Variants in PDE1C observed in about 807,000 individuals in gnomAD.
PDE1C encodes phosphodiesterase 1C.
A neutral mutation model predicts 93.1 loss-of-function variants in PDE1C; 62 were observed. The ratio of observed to expected loss-of-function variants is 0.67; its 90% CI spans 0.54 to 0.82. PDE1C has a LOEUF of 0.82. PDE1C is among the 40% of genes least tolerant of loss of function. PDE1C has a pLI of 0.00. For missense variants in PDE1C, 742 were observed against 884.6 expected, an observed-to-expected ratio of 0.84 and a Z score of 2.04; for synonymous variants, 325 against 310.1, an observed-to-expected ratio of 1.05 and a Z score of -0.50.
chr7:31,932,226 TTAAAC>T (rs1215776036), intron 2 of PDE1C, among the ~76,000 whole-genome samples: 1 of 152,154 alleles, frequency 6.6e-6, no homozygotes, highest in Non-Finnish European at 1.5e-5. Flanking sequence ...TAGGATCTAA[TTAAAC>T]TAAAGAGCTT....
chr7:32,355,806 G>A (rs561856525), intron 1 of PDE1C, among the ~76,000 whole-genome samples: 26 of 152,314 alleles, frequency 1.7e-4, no homozygotes, highest in African/African-American at 5.8e-4. Context: ...AATGGCGACT[G>A]AATGAAAAAT....
intron 2 of PDE1C, among the ~76,000 whole-genome samples, chr7:32,182,944 C>T (rs941839480): frequency 2.0e-5 from 3 of 152,220 alleles, no homozygotes; most frequent in African/African-American, 7.2e-5. Flanking sequence ...TAGGCAACTT[C>T]AGCCAAGTAT....
chr7:31,743,509 T>C, the PDE1C span, among the ~76,000 whole-genome samples: 1 of 151,992 alleles, frequency 6.6e-6, no homozygotes, highest in East Asian at 1.9e-4. Flanking sequence ...TGTCAATGAC[T>C]GAAGTCATAA....
the PDE1C span, among the ~76,000 whole-genome samples, chr7:31,619,448 T>A: frequency 1.3e-5 from 2 of 152,336 alleles, no homozygotes; most frequent in Admixed American, 1.3e-4. Flanking sequence ...TTGTTTCAAC[T>A]GTATGTGTAG....
chr7:32,364,511 A>G (rs1225295652), intron 1 of PDE1C, among the ~76,000 whole-genome samples: 1 of 152,186 alleles, frequency 6.6e-6, no homozygotes, highest in African/African-American at 2.4e-5. Flanking sequence ...AAAGGTAAGC[A>G]GAAGATCCCC....
chr7:32,427,663 TC>T (rs1785561864), intron 1 of PDE1C, among the ~76,000 whole-genome samples: 1 of 152,162 alleles, frequency 6.6e-6, no homozygotes, highest in Non-Finnish European at 1.5e-5. Context: ...TGAAATAGCC[TC>T]CTATTCAACC....
intron 16 of PDE1C, chr7:31,808,228 G>A: frequency 2.1e-6 from 1 of 482,510 alleles, no homozygotes; most frequent in Non-Finnish European, 4.1e-6. Flanking sequence ...CAAATATGAT[G>A]TCTCCAGGGA....
intron 2 of PDE1C, among the ~76,000 whole-genome samples, chr7:31,904,421 T>G (rs1014313624): frequency 1.3e-5 from 2 of 152,060 alleles, no homozygotes; most frequent in African/African-American, 4.8e-5. Flanking sequence ...CTAAAACAAT[T>G]GTTAATTTTG....
intron 2 of PDE1C, among the ~76,000 whole-genome samples, chr7:31,903,608 C>T (rs890720891): frequency 2.0e-5 from 3 of 152,048 alleles, no homozygotes; most frequent in African/African-American, 4.8e-5. Context: ...GTACTATATA[C>T]TCTAGTCAGC....
intron 3 of PDE1C, among the ~76,000 whole-genome samples, chr7:32,098,757 G>T (rs1272802973): frequency 1.3e-5 from 2 of 152,216 alleles, no homozygotes; most frequent in Non-Finnish European, 2.9e-5. Context: ...AGGCCTTCAA[G>T]TAATTTCCTC....
intron 2 of PDE1C, among the ~76,000 whole-genome samples, chr7:31,922,045 G>A (rs1293167985): frequency 2.6e-5 from 4 of 152,094 alleles, no homozygotes; most frequent in African/African-American, 7.2e-5. Flanking sequence ...GATAAAATCC[G>A]AAACCTGTCA....
the PDE1C span, chr7:31,652,993 T>C: frequency 1.4e-6 from 2 of 1,433,082 alleles, no homozygotes; most frequent in African/African-American, 2.9e-5. Flanking sequence ...TAGAATACTC[T>C]AATACTCATT....
chr7:32,376,718 C>T (rs1204902057), intron 1 of PDE1C, among the ~76,000 whole-genome samples: 1 of 152,118 alleles, frequency 6.6e-6, no homozygotes, highest in Non-Finnish European at 1.5e-5. Flanking sequence ...GACCAAGTCT[C>T]ACTCTGTCGT....
At chr7:31,692,547 T>A in the PDE1C span, 4 of 1,565,508 alleles carry the variant, frequency 2.6e-6, no homozygotes, top group South Asian at 1.1e-5. Context: ...CGATTGTGAA[T>A]GTCAGTGGTG....
chr7:31,961,473 G>A (rs1360585840), intron 2 of PDE1C, among the ~76,000 whole-genome samples: 1 of 152,100 alleles, frequency 6.6e-6, no homozygotes, highest in Non-Finnish European at 1.5e-5. Flanking sequence ...TAGTATCAGA[G>A]TGTGTGAGAT....
intron 2 of PDE1C, among the ~76,000 whole-genome samples, chr7:32,018,161 C>G (rs1788161266): frequency 6.6e-6 from 1 of 151,336 alleles, no homozygotes; most frequent in South Asian, 2.1e-4. Context: ...CAGATAATAA[C>G]AAGCGTTGGT....
At chr7:31,778,403 G>T (rs1318133442) in intron 16 of PDE1C, among the ~76,000 whole-genome samples, 1 of 152,160 alleles carries the variant, frequency 6.6e-6, no homozygotes, top group Non-Finnish European at 1.5e-5. Flanking sequence ...TTTGGGATAG[G>T]GTTTCTCAGC....
At chr7:31,695,673 G>T in the PDE1C span, 3 of 1,541,338 alleles carry the variant, frequency 1.9e-6, no homozygotes, top group South Asian at 1.2e-5. Flanking sequence ...CTTGCCACTA[G>T]GTTGCATTGT....
chr7:32,227,187 TCA>T (rs1807348489), intron 1 of PDE1C, among the ~76,000 whole-genome samples: 1 of 152,036 alleles, frequency 6.6e-6, no homozygotes, highest in Non-Finnish European at 1.5e-5. Flanking sequence ...CTCTAGGGGC[TCA>T]CAGTTTGGGG....
Sources: gnomAD v4.1 joint callset for allele counts (sites outside exome capture counted in the v4.1 genomes callset) on GRCh38, gnomAD v4.1.1 for gene constraint, MANE v1.5 for transcripts, NCBI Gene and HGNC (gene_info 2026-07-23, HGNC 2026-07-21) for gene names.